SYNPO2: variants seen among roughly 807,000 people sequenced by gnomAD.
SYNPO2 encodes the protein synaptopodin 2, also known as synaptopodin-2.
Under a neutral mutation model 85.0 loss-of-function variants are expected in SYNPO2, and 56 were observed. The observed-to-expected ratio is 0.66, with a 90% confidence interval of 0.53 to 0.82. The LOEUF is 0.82. Among genes scored for constraint, SYNPO2 ranks in the 40% least tolerant of loss-of-function variants. The probability of loss-of-function intolerance (pLI) is 0.00; values close to 1 mark genes in which losing one functional copy is unlikely to be tolerated. For synonymous variants in SYNPO2, 602 were observed against 591.1 expected (o/e 1.02, Z -0.27); for missense variants, 1,575 against 1,534.2 (o/e 1.03, Z -0.44).
At chr4:118,861,978 G>A (rs184718384) in intron 1 of SYNPO2, among the ~76,000 whole-genome samples, 43 of 152,186 alleles carry the variant, frequency 2.8e-4, no homozygotes, top group African/African-American at 9.6e-4. Context: ...CATGAACATG[G>A]AATATCTTTC....
At chr4:118,860,182 A>C (rs1372704807) in intron 1 of SYNPO2, among the ~76,000 whole-genome samples, 3 of 152,114 alleles carry the variant, frequency 2.0e-5, no homozygotes, top group African/African-American at 7.2e-5. Context: ...ACACCTTTTC[A>C]CGCCATTTGT....
chr4:118,928,664 T>C (rs915856244), intron 1 of SYNPO2, among the ~76,000 whole-genome samples: 5 of 152,214 alleles, frequency 3.3e-5, no homozygotes, highest in African/African-American at 1.2e-4. Flanking sequence ...CCCTCTTTTA[T>C]TTACTCCTTT....
intron 4 of SYNPO2, chr4:119,036,943 A>G: frequency 8.2e-7 from 1 of 1,225,792 alleles, no homozygotes; most frequent in South Asian, 3.6e-5. Flanking sequence ...ACAGGGGAGA[A>G]AGCTAGACTC....
chr4:118,912,161 T>C (rs766761882), intron 1 of SYNPO2, among the ~76,000 whole-genome samples: 15 of 152,228 alleles, frequency 9.9e-5, no homozygotes, highest in Admixed American at 2.0e-4. Context: ...GAATTAATTG[T>C]TGATCATCAT....
At chr4:119,036,596 C>T in intron 4 of SYNPO2, 1 of 985,424 alleles carries the variant, frequency 1.0e-6, no homozygotes, top group Non-Finnish European at 1.2e-6. Context: ...TTACTGTCAT[C>T]CCTCTATGGT....
chr4:118,940,614 G>A (rs1174025604), intron 1 of SYNPO2, among the ~76,000 whole-genome samples: 3 of 152,122 alleles, frequency 2.0e-5, no homozygotes, highest in Admixed American at 6.5e-5. Context: ...TTAGTATGAT[G>A]AGGTCGGTGC....
chr4:118,926,664 A>C (rs918753917), intron 1 of SYNPO2, among the ~76,000 whole-genome samples: 1 of 152,204 alleles, frequency 6.6e-6, no homozygotes, highest in Non-Finnish European at 1.5e-5. Context: ...ACTTTTTATC[A>C]GTTAAAGCAA....
intron 1 of SYNPO2, among the ~76,000 whole-genome samples, chr4:118,880,068 A>T (rs1054438035): frequency 1.3e-5 from 2 of 152,148 alleles, no homozygotes; most frequent in African/African-American, 4.8e-5. Context: ...GTTAGGCTTT[A>T]CAAAACTGGG....
At chr4:118,857,961 G>C (rs1731536146) in intron 1 of SYNPO2, among the ~76,000 whole-genome samples, 1 of 152,202 alleles carries the variant, frequency 6.6e-6, no homozygotes, top group Non-Finnish European at 1.5e-5. Flanking sequence ...CATTTCTCTT[G>C]CTTCACTTGC....
intron 4 of SYNPO2, chr4:119,032,931 C>T: frequency 1.8e-5 from 5 of 275,786 alleles, no homozygotes; most frequent in Non-Finnish European, 2.6e-5. Context: ...AGGTTGATTC[C>T]CACCCTCCCT....
chr4:118,869,696 A>G (rs904523747), intron 1 of SYNPO2, among the ~76,000 whole-genome samples: 4 of 152,180 alleles, frequency 2.6e-5, no homozygotes, highest in South Asian at 2.1e-4. Flanking sequence ...CTGGATATAC[A>G]ATACAGTGGA....
chr4:118,995,911 A>G (rs762939198), intron 1 of SYNPO2, among the ~76,000 whole-genome samples: 20 of 149,280 alleles, frequency 1.3e-4, no homozygotes, highest in Non-Finnish European at 2.4e-4. Context: ...TCTATCATCT[A>G]TCTAATTTTG....
At chr4:118,981,827 A>G (rs1339861634) in intron 1 of SYNPO2, among the ~76,000 whole-genome samples, 1 of 152,320 alleles carries the variant, frequency 6.6e-6, no homozygotes, top group East Asian at 1.9e-4. Context: ...CATGTACCTC[A>G]TAATTATTGT....
chr4:118,868,147 A>G (rs928472333), intron 1 of SYNPO2, among the ~76,000 whole-genome samples: 1 of 34,908 alleles, frequency 2.9e-5, no homozygotes, highest in Non-Finnish European at 6.7e-5. Flanking sequence ...TGAATTTTAC[A>G]TATTAAAAAA....
At chr4:118,948,835 A>G (rs970877778) in intron 1 of SYNPO2, among the ~76,000 whole-genome samples, 4 of 152,186 alleles carry the variant, frequency 2.6e-5, no homozygotes, top group African/African-American at 9.7e-5. Flanking sequence ...TTAAATTTCA[A>G]TATGAGATTT....
intron 1 of SYNPO2, among the ~76,000 whole-genome samples, chr4:119,015,009 G>C (rs1311246490): frequency 6.6e-6 from 1 of 152,152 alleles, no homozygotes; most frequent in Non-Finnish European, 1.5e-5. Context: ...ACTATGACAA[G>C]TATTTATAAA....
chr4:118,956,584 C>G (rs889587261), intron 1 of SYNPO2, among the ~76,000 whole-genome samples: 3 of 152,164 alleles, frequency 2.0e-5, no homozygotes, highest in African/African-American at 4.8e-5. Flanking sequence ...ATCAGCAATG[C>G]TTATCGAGCA....
intron 1 of SYNPO2, among the ~76,000 whole-genome samples, chr4:118,866,436 C>A (rs1265352365): frequency 6.6e-6 from 1 of 152,222 alleles, no homozygotes; most frequent in Non-Finnish European, 1.5e-5. Context: ...TTGCTCCCAG[C>A]ACAGTTCTAT....
At chr4:118,852,522 T>C (rs1481277613) in intron 1 of SYNPO2, among the ~76,000 whole-genome samples, 3 of 152,216 alleles carry the variant, frequency 2.0e-5, no homozygotes, top group Non-Finnish European at 4.4e-5. Flanking sequence ...ATATACACCA[T>C]GGAATACTAT....
Sources: gnomAD v4.1 joint callset for allele counts (sites outside exome capture counted in the v4.1 genomes callset) on GRCh38, gnomAD v4.1.1 for gene constraint, MANE v1.5 for transcripts, NCBI Gene and HGNC (gene_info 2026-07-23, HGNC 2026-07-21) for gene names.